SSBP4: variants seen among roughly 807,000 people sequenced by gnomAD.
The protein encoded by SSBP4 is single-stranded DNA-binding protein 4.
A neutral mutation model predicts 64.6 loss-of-function variants in SSBP4; 33 were observed. The ratio of observed to expected loss-of-function variants is 0.51; its 90% confidence interval spans 0.39 to 0.68. The LOEUF (loss-of-function observed/expected upper bound fraction) is 0.68. SSBP4 is among the 30% of genes least tolerant of loss of function. The probability of loss-of-function intolerance (pLI) is 0.00; values close to 1 mark genes in which losing one functional copy is unlikely to be tolerated. For synonymous variants in SSBP4, 243 were observed against 224.0 expected, an observed-to-expected ratio of 1.08 and a Z score of -0.76; for missense variants, 583 against 566.8, an observed-to-expected ratio of 1.03 and a Z score of -0.29.
chr19:18,434,168 TC>T lies in SSBP4; in HGVS notation c.1129-47del, dbSNP rs1449194248. The T allele has an allele frequency of 1.9e-6, 3 of 1,608,008 alleles. No homozygotes were observed. The African/African-American group carries it at 4.0e-5, about 22-fold the overall frequency. ...TCCCTGGGGGCGGGTCCCAGCCTCT[TC>T]CGGAGCTGAACTCGGCCCCTGCGCG... On this transcript the variant is annotated intron_variant, in intron 17 of 17. Transcript: ENST00000270061.
In SSBP4 at chr19:18,430,921, C is replaced by G; in HGVS notation, c.360C>G (p.Gly120=). The G allele has an allele frequency of 3.7e-6, 6 of 1,612,410 alleles. No homozygotes were observed. The highest frequency in any genetic ancestry group is 5.1e-6 in the Non-Finnish European group (6 of 1,179,838). Residue 120 remains glycine (G), a synonymous_variant, in exon 5 of 18, where the codon GGC becomes GGG. Coordinates refer to ENST00000270061, the MANE Select transcript of SSBP4 (RefSeq NM_032627.5). ...DTMAAGSMAA[G]FFQGPPGSQP... ...TGGCCGCAGGCTCCATGGCGGCTGG[C>G]TTCTTCCAGGTATGGCCCCGGCTGG...
At chr19:18,413,949 G>T (rs576066827), upstream of SSBP4, among the ~76,000 whole-genome samples, 3 of 152,138 alleles carry the variant, frequency 2.0e-5, no homozygotes, top group Non-Finnish European at 2.9e-5. Flanking sequence ...CCTGGGAGGC[G>T]GAGGTTGCAG....
In SSBP4 at chr19:18,430,892, A is replaced by G. The variant is rs1188163280; in HGVS notation, c.331A>G (p.Thr111Ala). ...TATGGGGAGTATGGCCCCAGGTGAC[A>G]CAATGGCCGCAGGCTCCATGGCGGC... ...PVMGSMAPGD[T>A]MAAGSMAAGF... is the part of the protein sequence containing the mutation. The change falls in exon 5 of 18, where the codon ACA (threonine) becomes GCA (alanine). Residue 111 changes from threonine to alanine, a missense_variant. Thr to Ala is a moderately conservative substitution (Grantham distance 58). Coordinates refer to ENST00000270061, the MANE Select transcript of SSBP4 (RefSeq NM_032627.5). 2 of 1,613,214 alleles carry G rather than the reference A, an allele frequency of 1.2e-6. No homozygotes were observed. Among genetic ancestry groups the G allele is most frequent in the East Asian group, 4.5e-5 (2 of 44,878 alleles).
At chr19:18,428,051 T>TGGGGTGGGGGGCGTGGGGGGGGGGTGGG in intron 4 of SSBP4, 69 bp downstream of exon 4, 1 of 496,562 alleles carries the variant, frequency 2.0e-6, no homozygotes. Flanking sequence ...GCTGGGGAGG[T>TGGGGTGGGGGGCGTGGGGGGGGGGTGGG]GGGGTGGGGG....
chr19:18,424,907 G>A (rs1972737469), intron 1 of SSBP4, among the ~76,000 whole-genome samples: 1 of 151,940 alleles, frequency 6.6e-6, no homozygotes, highest in African/African-American at 2.4e-5. Context: ...GGGTGTCGAG[G>A]CTGGGCCTCT....
chr19:18,427,226 C>A lies in SSBP4; in HGVS notation c.60-125C>A. 1.1e-6 allele frequency: 1 copy of A among 910,138 alleles called. No homozygotes were observed. The highest frequency in any genetic ancestry group is 1.7e-6 in the Non-Finnish European group (1 of 595,378). The allele number at this position is 910,138 out of a possible 1,614,324, so 56.4% of individuals were successfully genotyped here. On this transcript the variant is annotated intron_variant, in intron 1 of 17. Transcript: ENST00000270061. This position sits in a 1 kb window ranked among gnomAD's most constrained non-coding sequence, Gnocchi z 4.4. The stretch of plus-strand genomic sequence containing the variant: ...CAGGACATAGATGGATAACTATGAG[C>A]TGTCCCTGCTGAGCAGCTGGTGGGG...
rs1973575286 is a variant in SSBP4 at position 18,432,990 on chromosome 19, G to A, written c.859G>A (p.Glu287Lys). 1 of 1,614,152 alleles carries A rather than the reference G, an allele frequency of 6.2e-7. No individual in the cohort carries two copies. Among genetic ancestry groups the A allele is most frequent in the Non-Finnish European group, 8.5e-7 (1 of 1,180,026 alleles). Residue 287 changes from glutamate (E) to lysine (K), a missense_variant, in exon 14 of 18, where the codon GAA becomes AAA. Physicochemically the swap from Glu to Lys is moderately conservative, Grantham distance 56. Transcript: ENST00000270061. ...PSPGDSTNSS[E>K]NMYTIMNPIG... ...TCCCCCAGATTCCACCAACTCCAGC[G>A]AAAACATGTACACTATCATGAACCC...
At chr19:18,431,768 C>T in intron 7 of SSBP4, 25 bp from the exon 8 acceptor site, 1 of 1,540,784 alleles carries the variant, frequency 6.5e-7, no homozygotes, top group Non-Finnish European at 8.8e-7. Flanking sequence ...ACCCCACACT[C>T]AGTGCCGCCG....
rs183851202 is a variant in SSBP4 at position 18,431,373 on chromosome 19, G to A, written c.390G>A (p.Pro130=). 0.016 allele frequency: 14,676 copies of A among 945,730 alleles called. 134 individuals carry two copies. The highest frequency in any genetic ancestry group is 0.018 in the Non-Finnish European group (13,180 of 723,996). 58.6% of individuals were successfully genotyped at this position (945,730 alleles called of 1,614,324 possible). A position where few individuals can be genotyped will look rare whatever the true frequency, so the allele number is the denominator to read the frequency against. ...GFFQGPPGSQ[P]SPHNPNAPMM... ...CCTAGGGCCCCCCCGGCTCCCAGCC[G>A]TCCCCCCACAACCCCAACGCCCCCA... is the stretch of plus-strand genomic sequence containing the variant. The change falls in exon 6 of 18, where the codon CCG becomes CCA. Residue 130 remains proline, a synonymous_variant. Transcript: ENST00000270061.
the SSBP4 span, among the ~76,000 whole-genome samples, chr19:18,412,002 C>G: frequency 9.2e-5 from 14 of 151,994 alleles, no homozygotes; most frequent in African/African-American, 3.1e-4. Flanking sequence ...CCCACACACA[C>G]ACACAAAATA....
At chr19:18,406,042 A>G in the SSBP4 span, among the ~76,000 whole-genome samples, 1 of 151,318 alleles carries the variant, frequency 6.6e-6, no homozygotes, top group Non-Finnish European at 1.5e-5. Context: ...GGTTTTTGCC[A>G]TGTTGCCCAG....
At position 18,427,017 on chromosome 19, in the gene SSBP4, G is replaced by A. The variant is rs150239582; in HGVS notation, c.60-334G>A. Among the ~76,000 whole-genome samples the A allele has an allele frequency of 4.6e-5, 7 of 152,164 alleles. No homozygotes were observed. Among genetic ancestry groups the A allele is most frequent in the African/African-American group, 1.7e-4 (7 of 41,496 alleles). On this transcript the variant is annotated intron_variant, in intron 1 of 17. Transcript: ENST00000270061. This position sits in a 1 kb window ranked among gnomAD's most constrained non-coding sequence, Gnocchi z 4.4. ...ACTACATGGCCCAGGGTGCCCAGTGGTCGTCCCCACCCTGCACACACACAG... is the reference window on the plus strand; with the variant it reads ...ACTACATGGCCCAGGGTGCCCAGTGATCGTCCCCACCCTGCACACACACAG...
intron 17 of SSBP4, 79 bp downstream of exon 17, chr19:18,433,896 G>A (rs1437064199): frequency 3.9e-6 from 5 of 1,278,882 alleles, no homozygotes; most frequent in Non-Finnish European, 3.9e-6. Flanking sequence ...CGGGGCGGCC[G>A]GGGGGCCAGA....
In SSBP4 at chr19:18,431,776, C is replaced by CCCTG; in HGVS notation, c.496-16_496-15insCTGC. ...AGGGAGCACCCCACACTCAGTGCCG[C>CCCTG]CGCACCCCCTCCGCAGCCTCCCGCA... On this transcript the variant is annotated splice_polypyrimidine_tract_variant and intron_variant, in intron 7 of 17. Coordinates refer to ENST00000270061, the MANE Select transcript of SSBP4 (RefSeq NM_032627.5). 1 of 1,540,914 alleles carries CCCTG rather than the reference C, an allele frequency of 6.5e-7. No individual in the cohort carries two copies. The highest frequency in any genetic ancestry group is 8.8e-7 in the Non-Finnish European group (1 of 1,138,766).
At chr19:18,415,247 G>A (rs1379083864), upstream of SSBP4, among the ~76,000 whole-genome samples, 1 of 152,228 alleles carries the variant, frequency 6.6e-6, no homozygotes, top group African/African-American at 2.4e-5. Flanking sequence ...CGCACGCACG[G>A]CTGGGGAGGG....
chr19:18,433,940 G>T, intron 17 of SSBP4, 123 bp downstream of exon 17: 1 of 1,245,112 alleles, frequency 8.0e-7, no homozygotes, highest in Non-Finnish European at 1.0e-6. Context: ...CAGGTGGGGG[G>T]GCGGCCGCGG....
At chr19:18,420,368 C>T (rs1362579276) in intron 1 of SSBP4, among the ~76,000 whole-genome samples, 1 of 152,088 alleles carries the variant, frequency 6.6e-6, no homozygotes. Context: ...GGCGTGGCTC[C>T]AGGCCGTGGG....
At chr19:18,409,052 G>A in the SSBP4 span, among the ~76,000 whole-genome samples, 125 of 152,188 alleles carry the variant, frequency 8.2e-4, no homozygotes, top group Non-Finnish European at 8.5e-4. Context: ...GGCCTCAAAC[G>A]ATCCTCCCGT....
At chr19:18,417,922 G>C, upstream of SSBP4, among the ~76,000 whole-genome samples, 1 of 152,278 alleles carries the variant, frequency 6.6e-6, no homozygotes, top group East Asian at 1.9e-4. This position sits in a 1 kb window ranked among gnomAD's most constrained non-coding sequence, Gnocchi z 5.4. Flanking sequence ...CTCTATCGGG[G>C]AGGCATCTGC....
Sources: allele counts gnomAD v4.1 joint callset (sites outside exome capture counted in the v4.1 genomes callset), GRCh38; gene constraint gnomAD v4.1.1; non-coding constraint Gnocchi (gnomAD v3.1); transcripts MANE v1.5; gene names NCBI Gene and HGNC (gene_info 2026-07-23, HGNC 2026-07-21).